Variants in TRIT1 observed in about 807,000 individuals in gnomAD.
TRIT1 encodes the protein tRNA isopentenyltransferase 1.
In TRIT1, 43 loss-of-function variants were observed where a neutral mutation model predicts 51.2. That is an observed-to-expected ratio of 0.84 (90% CI 0.66 to 1.08). The LOEUF (loss-of-function observed/expected upper bound fraction) is 1.08. Among genes scored for constraint, TRIT1 ranks in the 50% least tolerant of loss-of-function variants. The probability of loss-of-function intolerance (pLI) is 0.00; values close to 1 mark genes in which losing one functional copy is unlikely to be tolerated. For synonymous variants in TRIT1, 184 were observed against 203.9 expected (o/e 0.90, Z 0.83); for missense variants, 528 against 578.4 (o/e 0.91, Z 0.89).
At chr1:39,847,118 T>C (rs1250994372) in intron 8 of TRIT1, 102 bp downstream of exon 8, 6 of 936,154 alleles carry the variant, frequency 6.4e-6, no homozygotes, top group Non-Finnish European at 9.9e-6. Context: ...TCCAAAATCT[T>C]AGAACAGGCC....
chr1:39,850,398 C>T (rs752282397), intron 4 of TRIT1, 137 bp from the exon 5 acceptor site: 52 of 1,157,710 alleles, frequency 4.5e-5, no homozygotes, highest in Non-Finnish European at 6.2e-5. Flanking sequence ...ACAGTGTGCA[C>T]ATCTGTAGTC....
rs769188667 is a variant in TRIT1, at chr1:39,852,868, C to G, written c.423G>C (p.Glu141Asp). ...GGTCAATCACTTTCTCAGTGCCCAT[C>G]TCCTGGGGCTATTAAATGATGGTTT... ...WKVLVNTKPQ[E>D]MGTEKVIDRK... The change falls in exon 4 of 11, where the codon GAG (glutamate) becomes GAC (aspartate). Residue 141 changes from glutamate (E) to aspartate (D), a missense_variant. This residue lies in a region of TRIT1 where 468 missense variants were observed against 522.6 expected (regional missense o/e 0.90). Transcript: ENST00000316891. 10 of 1,614,132 alleles carry G rather than the reference C, an allele frequency of 6.2e-6. No individual in the cohort carries two copies. The highest frequency in any genetic ancestry group is 1.3e-5 in the African/African-American group (1 of 75,038).
chr1:39,883,399 G>A lies in TRIT1; in HGVS notation c.93C>T (p.Ala31=), dbSNP rs542025235. 1 of 1,613,830 alleles carries A rather than the reference G, an allele frequency of 6.2e-7. No individual in the cohort carries two copies. Among genetic ancestry groups the A allele is most frequent in the South Asian group, 1.1e-5 (1 of 91,040 alleles). Residue 31 remains alanine, a synonymous_variant, in exon 1 of 11, where the codon GCC becomes GCT. Coordinates refer to ENST00000316891, the MANE Select transcript of TRIT1 (RefSeq NM_017646.6). ...RTLPLVVILG[A]TGTGKSTLAL... ...CCAGCGTGGATTTGCCGGTGCCCGT[G>A]GCCCCGAGAATCACTACAAGAGGTA...
intron 8 of TRIT1, among the ~76,000 whole-genome samples, chr1:39,846,868 A>C (rs1642254059): frequency 6.6e-6 from 1 of 152,190 alleles, no homozygotes; most frequent in African/African-American, 2.4e-5. Flanking sequence ...TGTAATTAGG[A>C]AATCTTCCCT....
At chr1:39,883,114 G>A (rs1473244844) in intron 1 of TRIT1, among the ~76,000 whole-genome samples, 2 of 152,102 alleles carry the variant, frequency 1.3e-5, no homozygotes, top group African/African-American at 4.8e-5. Flanking sequence ...AAATAGTAAC[G>A]TCGTGAGAAG....
intron 5 of TRIT1, 75 bp from the exon 6 acceptor site, chr1:39,848,172 G>A: frequency 6.7e-6 from 7 of 1,050,898 alleles, no homozygotes; most frequent in South Asian, 1.4e-5. Flanking sequence ...CGAGTGAACA[G>A]GTGGTCACAA....
chr1:39,872,879 A>G (rs1335860153), intron 1 of TRIT1, among the ~76,000 whole-genome samples: 2 of 151,956 alleles, frequency 1.3e-5, no homozygotes, highest in African/African-American at 4.8e-5. Context: ...AGGAAAAGGA[A>G]GAAAGGAAGA....
chr1:39,875,226 A>C (rs1269444697), intron 1 of TRIT1, among the ~76,000 whole-genome samples: 1 of 152,020 alleles, frequency 6.6e-6, no homozygotes, highest in Non-Finnish European at 1.5e-5. Flanking sequence ...GCAGTGGCTC[A>C]CGCCTGTAAT....
Position 39,860,950 on chromosome 1 carries a change from C to T in TRIT1, c.175-3533G>A, listed in dbSNP as rs1343653339. Among the ~76,000 whole-genome samples, 11 of 152,170 alleles carry T rather than the reference C, an allele frequency of 7.2e-5. No individual in the cohort carries two copies. The East Asian group carries it at 9.7e-4, about 13-fold the overall frequency. ...AAAATCAGCCAGGCGTGGTGGCGCA[C>T]GCCTGTAATCTCAGCTACTCAGGGG... On this transcript the variant is annotated intron_variant, in intron 1 of 10. Transcript: ENST00000316891.
intron 1 of TRIT1, among the ~76,000 whole-genome samples, chr1:39,873,954 G>A (rs1643962486): frequency 6.6e-6 from 1 of 152,032 alleles, no homozygotes; most frequent in Admixed American, 6.6e-5. Flanking sequence ...GATGGAGGCT[G>A]CAGTGAGCCG....
rs1280150613 is a variant in TRIT1, at chr1:39,850,257, A to G, written c.565T>C (p.Leu189=). The G allele has an allele frequency of 5.6e-6, 9 of 1,614,082 alleles. No homozygotes were observed. The highest frequency in any genetic ancestry group is 7.6e-6 in the Non-Finnish European group (9 of 1,180,020). ...PHDKRKVARS[L]QVFEETGISH... is the part of the protein sequence containing the mutation. ...ATTCCTGTTTCTTCAAAAACTTGCA[A>G]GCTCCTAAGTAATTTAAAAGGGGAG... The change falls in exon 5 of 11, where the codon TTG becomes CTG. Residue 189 remains leucine (L), a synonymous_variant. Coordinates refer to ENST00000316891, the MANE Select transcript of TRIT1 (RefSeq NM_017646.6).
chr1:39,863,454 T>C (rs1010016040), intron 1 of TRIT1, among the ~76,000 whole-genome samples: 2 of 152,104 alleles, frequency 1.3e-5, no homozygotes, highest in African/African-American at 2.4e-5. Flanking sequence ...AGCAAGACCC[T>C]GTCTCTTAAA....
rs540226415 is a variant in TRIT1 at position 39,840,449 on chromosome 1, T to C, written c.*1295A>G. 2.6e-4 allele frequency among the ~76,000 whole-genome samples: 39 copies of C among 152,346 alleles called. No homozygotes were observed. The highest frequency in any genetic ancestry group is 9.4e-4 in the African/African-American group (39 of 41,574). ...GCTCCTCCTTCCATGATCCCTTCCC[T>C]TCCTTCTAAACTGAAATTCTACACA... is the stretch of plus-strand genomic sequence containing the variant. On this transcript the variant is annotated 3_prime_UTR_variant, in exon 11 of 11. Transcript: ENST00000316891.
At chr1:39,850,066 T>C (rs1642471756) in intron 5 of TRIT1, 53 bp downstream of exon 5, 1 of 1,597,080 alleles carries the variant, frequency 6.3e-7, no homozygotes, top group Admixed American at 1.7e-5. Context: ...TACAGTAACT[T>C]ATTACTCCAA....
Position 39,841,622 on chromosome 1 carries a change from G to C in TRIT1, c.*122C>G. The C allele has an allele frequency of 1.0e-6, 1 of 998,442 alleles. No homozygotes were observed. Among genetic ancestry groups the C allele is most frequent in the Non-Finnish European group, 1.4e-6 (1 of 705,178 alleles). 61.8% of individuals were successfully genotyped at this position (998,442 alleles called of 1,614,324 possible). A position where few individuals can be genotyped will look rare whatever the true frequency, so the allele number is the denominator to read the frequency against. ...AAACCACATCAAAAGAAAATGGTGG[G>C]AGCTTTTCTGCTATGCAGAGAATTC... On this transcript the variant is annotated 3_prime_UTR_variant, in exon 11 of 11. Transcript: ENST00000316891.
intron 1 of TRIT1, among the ~76,000 whole-genome samples, chr1:39,863,474 T>C (rs1643361625): frequency 6.6e-6 from 1 of 150,770 alleles, no homozygotes; most frequent in Non-Finnish European, 1.5e-5. Flanking sequence ...AAAAAAAGAG[T>C]CCTAGTCCTC....
chr1:39,853,847 A>C, intron 3 of TRIT1, 123 bp downstream of exon 3: 1 of 664,062 alleles, frequency 1.5e-6, no homozygotes, highest in Non-Finnish European at 2.5e-6. Flanking sequence ...GAGAATATTA[A>C]GTAGGAAAAT....
At chr1:39,862,991 T>G in intron 1 of TRIT1, 1 of 980,904 alleles carries the variant, frequency 1.0e-6, no homozygotes, top group Non-Finnish European at 1.2e-6. Flanking sequence ...AAACCATATT[T>G]TGACAACTAA....
At chr1:39,875,734 T>G (rs988949145) in intron 1 of TRIT1, among the ~76,000 whole-genome samples, 1 of 151,982 alleles carries the variant, frequency 6.6e-6, no homozygotes, top group Non-Finnish European at 1.5e-5. Flanking sequence ...CTTTTCTGCT[T>G]GATAAAATGT....
Sources: allele counts gnomAD v4.1 joint callset (sites outside exome capture counted in the v4.1 genomes callset), GRCh38; gene constraint gnomAD v4.1.1; regional missense constraint gnomAD v4.1.1; transcripts MANE v1.5; gene names NCBI Gene and HGNC (gene_info 2026-07-23, HGNC 2026-07-21).